PSG2: variants seen among roughly 807,000 people sequenced by gnomAD.
PSG2 encodes the protein pregnancy-specific beta-1-glycoprotein 2.
Under a neutral mutation model 36.2 loss-of-function variants are expected in PSG2, and 49 were observed. That is an observed-to-expected ratio of 1.35 (90% CI 1.08 to 1.72). The LOEUF is 1.72. Ranked by LOEUF, PSG2 falls within the 40% of genes most tolerant of loss-of-function variation. The probability of loss-of-function intolerance (pLI) is 0.00; values close to 1 mark genes in which losing one functional copy is unlikely to be tolerated. For synonymous variants in PSG2, 261 were observed against 155.6 expected (o/e 1.68, Z -5.04); for missense variants, 605 against 407.2 (o/e 1.49, Z -4.18).
chr19:43,082,403 G>A (rs377611548), intron 1 of PSG2, 103 bp downstream of exon 1: 11 of 1,530,552 alleles, frequency 7.2e-6, no homozygotes, highest in South Asian at 6.7e-5. Flanking sequence ...GCCTCCCTAA[G>A]TGCTGGCTTC....
intron 5 of PSG2, chr19:43,065,410 T>G (rs2093591873): frequency 6.6e-6 from 1 of 151,622 alleles, no homozygotes; most frequent in African/African-American, 2.4e-5. Flanking sequence ...AAGTTCTACC[T>G]ATTGCAACAG....
chr19:43,077,455 G>T lies in PSG2; in HGVS notation c.431-1823C>A, dbSNP rs535944047. 6.8e-4 allele frequency among the ~76,000 whole-genome samples: 103 copies of T among 151,884 alleles called. 2 individuals are homozygous for T. The highest frequency in any genetic ancestry group is 2.7e-3 in the Admixed American group (41 of 15,254). Reference sequence around the variant, plus strand: ...GGACCCCAAAACAGGTATGTGAAATGCTTTCTTCATTTTCTCTTAAGCTCA... The same window carrying T: ...GGACCCCAAAACAGGTATGTGAAATTCTTTCTTCATTTTCTCTTAAGCTCA... On this transcript the variant is annotated intron_variant, in intron 2 of 5. Transcript: ENST00000406487.
rs1467287247 is a variant in PSG2 at position 43,082,591 on chromosome 19, C to G, written c.-22G>C. The G allele has an allele frequency of 2.5e-6, 4 of 1,610,204 alleles. 1 individual carries two copies. The African/African-American group carries it at 4.0e-5, about 16-fold the overall frequency. ...CCATGGTCTCTGCTGCCTGTGTGTT[C>G]TCCTCTGTGGAGATGAGCCTAGGAT... On this transcript the variant is annotated 5_prime_UTR_variant, in exon 1 of 6. Coordinates refer to ENST00000406487, the MANE Select transcript of PSG2 (RefSeq NM_031246.4).
intron 2 of PSG2, among the ~76,000 whole-genome samples, chr19:43,078,775 C>A (rs1341310099): frequency 6.6e-6 from 1 of 151,642 alleles, no homozygotes; most frequent in South Asian, 2.1e-4. Flanking sequence ...CTACAAATCA[C>A]CATTTCAATA....
intron 3 of PSG2, among the ~76,000 whole-genome samples, chr19:43,073,488 G>C (rs1967848383): frequency 6.6e-6 from 1 of 151,750 alleles, no homozygotes; most frequent in Admixed American, 6.6e-5. Flanking sequence ...TGAACTGCTG[G>C]AAATCTGGTC....
At chr19:43,070,111 A>T (rs1408188447) in intron 4 of PSG2, among the ~76,000 whole-genome samples, 1 of 151,664 alleles carries the variant, frequency 6.6e-6, no homozygotes, top group Non-Finnish European at 1.5e-5. Context: ...ATACTTAGAG[A>T]TGTGCAAATC....
In PSG2 at chr19:43,075,601, G is replaced by A. The variant is rs769781106; in HGVS notation, c.462C>T (p.Ser154=). The A allele has an allele frequency of 3.7e-6, 6 of 1,613,092 alleles. No homozygotes were observed. Among genetic ancestry groups the A allele is most frequent in the Non-Finnish European group, 3.4e-6 (4 of 1,179,740 alleles). ...LETPKPSISS[S]NLNPREAMET... ...CCATGGCCTCCCTGGGGTTTAAGTTGCTGCTGGAGATGGAGGGCTTGGGAG... is the reference window on the plus strand; with the variant it reads ...CCATGGCCTCCCTGGGGTTTAAGTTACTGCTGGAGATGGAGGGCTTGGGAG... Residue 154 remains serine (S), a synonymous_variant, in exon 3 of 6, where the codon AGC becomes AGT. Transcript: ENST00000406487.
chr19:43,080,093 A>T (rs1967950484), intron 2 of PSG2, among the ~76,000 whole-genome samples: 1 of 151,804 alleles, frequency 6.6e-6, no homozygotes. Flanking sequence ...AACAGCATTT[A>T]TTATTAATTT....
chr19:43,065,309 A>G (rs1418704799), intron 5 of PSG2, among the ~76,000 whole-genome samples: 1 of 151,654 alleles, frequency 6.6e-6, no homozygotes, highest in East Asian at 1.9e-4. Context: ...CCCATTCATA[A>G]ATAGGGCCAA....
chr19:43,065,056 C>T (rs902894970), intron 5 of PSG2, among the ~76,000 whole-genome samples: 2 of 151,574 alleles, frequency 1.3e-5, no homozygotes, highest in Admixed American at 6.6e-5. Context: ...AGGATGGTCT[C>T]GATCTCCTGA....
chr19:43,070,842 T>A (rs1270356437), intron 4 of PSG2, among the ~76,000 whole-genome samples: 1 of 151,636 alleles, frequency 6.6e-6, no homozygotes, highest in Non-Finnish European at 1.5e-5. Context: ...TAGATATATA[T>A]AAAGTGTCTG....
intron 4 of PSG2, among the ~76,000 whole-genome samples, chr19:43,068,064 A>G (rs544704332): frequency 6.6e-6 from 1 of 151,696 alleles, no homozygotes; most frequent in South Asian, 2.1e-4. Flanking sequence ...ATTCTTCAAA[A>G]TAAAATCAAC....
intron 3 of PSG2, 56 bp from the exon 4 acceptor site, chr19:43,072,010 C>A (rs1967825900): frequency 4.4e-6 from 7 of 1,587,778 alleles, no homozygotes; most frequent in Middle Eastern, 1.7e-4. Context: ...GGGGATGCTC[C>A]TGGTCTCTTA....
intron 4 of PSG2, among the ~76,000 whole-genome samples, chr19:43,071,481 C>A (rs1475776621): frequency 6.6e-6 from 1 of 151,658 alleles, no homozygotes; most frequent in East Asian, 1.9e-4. Flanking sequence ...CCCCTCCCTA[C>A]CTTTCTCAGG....
At chr19:43,079,902 A>C (rs1967947777) in intron 2 of PSG2, among the ~76,000 whole-genome samples, 1 of 151,390 alleles carries the variant, frequency 6.6e-6, no homozygotes, top group African/African-American at 2.4e-5. Context: ...TGTGACCCTG[A>C]TCTCCCCTTT....
intron 2 of PSG2, among the ~76,000 whole-genome samples, chr19:43,080,453 G>C (rs1305204440): frequency 6.6e-5 from 10 of 151,668 alleles, no homozygotes; most frequent in African/African-American, 2.4e-4. Context: ...AGGCTCCTAA[G>C]CTTTATCTGG....
In PSG2 at chr19:43,064,573, T is replaced by C; in HGVS notation, c.*69A>G. ...GTTATCAGGAGCTTGTATTCAAGAG[T>C]CCTTGTAAGAGACCTTTCCATAAAT... On this transcript the variant is annotated 3_prime_UTR_variant, in exon 6 of 6. Transcript: ENST00000406487. 1 of 676,354 alleles carries C rather than the reference T, an allele frequency of 1.5e-6. No individual in the cohort carries two copies. Among genetic ancestry groups the C allele is most frequent in the Non-Finnish European group, 2.8e-6 (1 of 361,196 alleles). The allele number at this position is 676,354 out of a possible 1,614,324, so 41.9% of individuals were successfully genotyped here.
rs143255979 is a variant in PSG2, at chr19:43,080,970, C to T, written c.341G>A (p.Arg114Gln). The T allele has an allele frequency of 8.4e-3, 13,507 of 1,612,914 alleles. 553 individuals are homozygous for T. In the East Asian group the frequency reaches 0.086, roughly 10 times the overall value. Residue 114 changes from arginine (R) to glutamine (Q), a missense_variant, in exon 2 of 6, where the codon CGG becomes CAG. Transcript: ENST00000406487. The stretch of plus-strand genomic sequence containing the variant: ...TAAGGTGTAGGATCCTGCGTCCTCC[C>T]GGGTGACATTCTGGATCAGCAGGGA... ...NASLLIQNVT[R>Q]EDAGSYTLHI...
rs527278623 is a variant in PSG2 at position 43,068,105 on chromosome 19, A to C, written c.965-1505T>G. On this transcript the variant is annotated intron_variant, in intron 4 of 5. Coordinates refer to ENST00000406487, the MANE Select transcript of PSG2 (RefSeq NM_031246.4). The stretch of plus-strand genomic sequence containing the variant: ...TGACAACCATTAACTAGATTGACTA[A>C]GAAAAAAAGAGAAAAGTTTAAAATT... Among the ~76,000 whole-genome samples the C allele has an allele frequency of 1.4e-4, 21 of 151,532 alleles. 2 individuals carry two copies. Among genetic ancestry groups the C allele is most frequent in the African/African-American group, 4.9e-4 (20 of 41,022 alleles).
Sources: allele counts gnomAD v4.1 joint callset (sites outside exome capture counted in the v4.1 genomes callset), GRCh38; gene constraint gnomAD v4.1.1; transcripts MANE v1.5; gene names NCBI Gene and HGNC (gene_info 2026-07-23, HGNC 2026-07-21).